Variants in TMED10 observed in about 807,000 individuals in gnomAD.
TMED10 encodes the protein transmembrane p24 trafficking protein 10, also known as transmembrane emp24 domain-containing protein 10.
In TMED10, 7 loss-of-function variants were observed where a neutral mutation model predicts 23.1. The observed-to-expected ratio is 0.30, with a 90% CI of 0.17 to 0.57. TMED10 has a LOEUF of 0.57. Among genes scored for constraint, TMED10 ranks in the 20% least tolerant of loss-of-function variants. TMED10 has a pLI of 0.91. For synonymous variants in TMED10, 113 were observed against 106.9 expected (o/e 1.06, Z -0.35); for missense variants, 162 against 274.8 (o/e 0.59, Z 2.90).
At chr14:75,171,671 C>G (rs1356315007) in intron 1 of TMED10, among the ~76,000 whole-genome samples, 1 of 45,840 alleles carries the variant, frequency 2.2e-5, no homozygotes, top group Non-Finnish European at 5.5e-5. Flanking sequence ...CCCCACCCCA[C>G]TCCCAAAAAG....
At chr14:75,164,554 TATATATATATATA>T (rs1896129752) in intron 1 of TMED10, among the ~76,000 whole-genome samples, 1 of 2,206 alleles carries the variant, frequency 4.5e-4, no homozygotes, top group African/African-American at 8.2e-4. Flanking sequence ...TATATATATA[TATATATATATATA>T]TATATATATA....
intron 4 of TMED10, 54 bp downstream of exon 4, chr14:75,135,706 G>A: frequency 6.3e-7 from 1 of 1,593,644 alleles, no homozygotes; most frequent in Non-Finnish European, 8.5e-7. Flanking sequence ...TGAAAGTTTG[G>A]AGACTGTCTC....
intron 3 of TMED10, among the ~76,000 whole-genome samples, chr14:75,145,191 G>A (rs906058449): frequency 9.9e-5 from 15 of 152,176 alleles, no homozygotes; most frequent in African/African-American, 3.6e-4. Flanking sequence ...ATGCGTAAAG[G>A]CAGGCTTAGG....
At chr14:75,136,690 C>T (rs1048058380) in intron 3 of TMED10, 1 of 152,126 alleles carries the variant, frequency 6.6e-6, no homozygotes, top group Non-Finnish European at 1.5e-5. Context: ...TCATATAAAT[C>T]CTACAACAAC....
intron 3 of TMED10, among the ~76,000 whole-genome samples, chr14:75,142,109 G>T (rs1895829807): frequency 1.3e-5 from 2 of 152,156 alleles, no homozygotes; most frequent in Non-Finnish European, 2.9e-5. Context: ...AGGCAGGCTG[G>T]TATTCTATTC....
At position 75,147,656 on chromosome 14, in the gene TMED10, G is replaced by A; in HGVS notation, c.411+8C>T. ...GCTGCCTCCTCTGGCTGTTAGAGCA[G>A]GACATACCTCTTCGTAATTTTTCGC... On this transcript the variant is annotated splice_region_variant and intron_variant, in intron 3 of 4. Transcript: ENST00000303575. 1 of 1,614,034 alleles carries A rather than the reference G, an allele frequency of 6.2e-7. No homozygotes were observed.
intron 1 of TMED10, chr14:75,176,098 AC>A (rs1896301159): frequency 1.8e-6 from 1 of 552,202 alleles, no homozygotes; most frequent in South Asian, 2.0e-5. Context: ...GACGTTGACA[AC>A]CGCCCCAGCT....
At position 75,135,012 on chromosome 14, in the gene TMED10, A is replaced by G; in HGVS notation, c.539-6T>C. 6.2e-7 allele frequency: 1 copy of G among 1,613,878 alleles called. No individual in the cohort carries two copies. Among genetic ancestry groups the G allele is most frequent in the Non-Finnish European group, 8.5e-7 (1 of 1,179,848 alleles). On this transcript the variant is annotated splice_polypyrimidine_tract_variant and splice_region_variant and intron_variant, in intron 4 of 4. Coordinates refer to ENST00000303575, the MANE Select transcript of TMED10 (RefSeq NM_006827.6). ...GACCCGAGTGTTTGTTGACTCTAAA[A>G]AAAAACAAAAGCATTGTAAACATAA...
chr14:75,159,721 GT>G (rs1896064380), intron 1 of TMED10, among the ~76,000 whole-genome samples: 1 of 152,148 alleles, frequency 6.6e-6, no homozygotes, highest in African/African-American at 2.4e-5. Context: ...AATCTGCTAT[GT>G]TTTTCTGAAA....
Position 75,147,652 on chromosome 14 carries a change from A to G in TMED10, c.411+12T>C. The G allele has an allele frequency of 1.2e-6, 2 of 1,614,026 alleles. No homozygotes were observed. The highest frequency in any genetic ancestry group is 1.7e-6 in the Non-Finnish European group (2 of 1,179,932). On this transcript the variant is annotated intron_variant, in intron 3 of 4. Transcript: ENST00000303575. Reference sequence around the variant, plus strand: ...CACTGCTGCCTCCTCTGGCTGTTAGAGCAGGACATACCTCTTCGTAATTTT... The same window carrying G: ...CACTGCTGCCTCCTCTGGCTGTTAGGGCAGGACATACCTCTTCGTAATTTT...
rs1896300933 is a variant in TMED10, at chr14:75,176,068, TG to T, written c.225+286del. 1.4e-5 allele frequency: 7 copies of T among 490,072 alleles called. No individual in the cohort carries two copies. In the South Asian group the frequency reaches 1.5e-4, roughly 11 times the overall value. 30.4% of individuals were successfully genotyped at this position (490,072 alleles called of 1,614,324 possible). On this transcript the variant is annotated intron_variant, in intron 1 of 4. Transcript: ENST00000303575. ...GAACCAAATTACGGTTCAATGTATC[TG>T]AGACCAAAACTGGTATAGGACGTTG...
chr14:75,155,196 T>C (rs1896007514), intron 1 of TMED10, among the ~76,000 whole-genome samples: 1 of 152,124 alleles, frequency 6.6e-6, no homozygotes, highest in Admixed American at 6.6e-5. Context: ...TGACCTCAAG[T>C]GATCCGCCTG....
In TMED10 at chr14:75,134,868, A is replaced by G. The variant is rs200985530; in HGVS notation, c.*17T>C. ...GCTGGCTGAGGTACAAGGTGGGAGG[A>G]GAATATGCCTCATTCATTACTCAAT... is the stretch of plus-strand genomic sequence containing the variant. On this transcript the variant is annotated 3_prime_UTR_variant, in exon 5 of 5. Coordinates refer to ENST00000303575, the MANE Select transcript of TMED10 (RefSeq NM_006827.6). 6.2e-7 allele frequency: 1 copy of G among 1,613,408 alleles called. No homozygotes were observed. The highest frequency in any genetic ancestry group is 2.2e-5 in the East Asian group (1 of 44,844).
In TMED10 at chr14:75,133,557, G is replaced by C. The variant is rs1390660221; in HGVS notation, c.*1328C>G. On this transcript the variant is annotated 3_prime_UTR_variant, in exon 5 of 5. Coordinates refer to ENST00000303575, the MANE Select transcript of TMED10 (RefSeq NM_006827.6). ...TGCTGTCTGAATTGTATGAGTGGCT[G>C]TATGTAAAAAGTAGAGCCACTCTGG... The C allele has an allele frequency of 6.6e-6, 1 of 152,650 alleles. No homozygotes were observed. The highest frequency in any genetic ancestry group is 1.5e-5 in the Non-Finnish European group (1 of 68,328). The allele number at this position is 152,650 out of a possible 1,614,324, so 9.5% of individuals were successfully genotyped here. A position where few individuals can be genotyped will look rare whatever the true frequency, so the allele number is the denominator to read the frequency against.
chr14:75,155,955 C>T (rs1323349148), intron 1 of TMED10, among the ~76,000 whole-genome samples: 4 of 152,176 alleles, frequency 2.6e-5, no homozygotes, highest in Admixed American at 1.3e-4. Context: ...TTATTTCCCC[C>T]GTGTTCCATG....
At chr14:75,158,179 T>C (rs1157094277) in intron 1 of TMED10, among the ~76,000 whole-genome samples, 2 of 152,110 alleles carry the variant, frequency 1.3e-5, no homozygotes, top group Non-Finnish European at 2.9e-5. Context: ...CTTAGAGAGA[T>C]CAGCAGGCAG....
At chr14:75,170,647 TA>T (rs946886472) in intron 1 of TMED10, among the ~76,000 whole-genome samples, 5 of 152,052 alleles carry the variant, frequency 3.3e-5, no homozygotes, top group Non-Finnish European at 4.4e-5. Flanking sequence ...TAAAATACTT[TA>T]AAAAAAAACC....
chr14:75,140,853 C>A (rs1368032172), intron 3 of TMED10, among the ~76,000 whole-genome samples: 2 of 152,002 alleles, frequency 1.3e-5, no homozygotes, highest in African/African-American at 2.4e-5. Flanking sequence ...GGAGACCAGG[C>A]TGGGCAACAC....
chr14:75,158,907 A>G (rs1170009787), intron 1 of TMED10, among the ~76,000 whole-genome samples: 1 of 152,074 alleles, frequency 6.6e-6, no homozygotes, highest in Non-Finnish European at 1.5e-5. Context: ...CTGGGCAACA[A>G]GAGTGAAATT....
Sources: allele counts gnomAD v4.1 joint callset (sites outside exome capture counted in the v4.1 genomes callset), GRCh38; gene constraint gnomAD v4.1.1; transcripts MANE v1.5; gene names NCBI Gene and HGNC (gene_info 2026-07-23, HGNC 2026-07-21).